DENND5B: variants seen among roughly 807,000 people sequenced by gnomAD.
The protein encoded by DENND5B is DENN domain containing 5B.
DENND5B carries 34 observed loss-of-function variants against 140.6 expected under a neutral mutation model. The ratio of observed to expected loss-of-function variants is 0.24; its 90% CI spans 0.18 to 0.32. DENND5B has a LOEUF of 0.32. Ranked by LOEUF, DENND5B falls within the 10% of genes least tolerant of loss-of-function variation. The pLI is 1.00. For synonymous variants in DENND5B, 551 were observed against 562.1 expected (o/e 0.98, Z 0.28); for missense variants, 1,142 against 1,560.2 (o/e 0.73, Z 4.52).
intron 1 of DENND5B, among the ~76,000 whole-genome samples, chr12:31,519,778 T>A (rs1169653433): frequency 6.6e-6 from 1 of 152,250 alleles, no homozygotes. Context: ...AGAATTTTTT[T>A]ATAACAGCTT....
At chr12:31,441,051 T>A (rs563613618) in intron 7 of DENND5B, among the ~76,000 whole-genome samples, 178 of 151,402 alleles carry the variant, frequency 1.2e-3, no homozygotes, top group African/African-American at 4.0e-3. Flanking sequence ...TAAAAAAAAA[T>A]TTTTGTAGGG....
intron 1 of DENND5B, among the ~76,000 whole-genome samples, chr12:31,529,936 A>T (rs1272190896): frequency 6.6e-6 from 1 of 152,220 alleles, no homozygotes; most frequent in African/African-American, 2.4e-5. Context: ...TACTGCTTCC[A>T]GAAGAAGGAT....
chr12:31,481,432 T>A (rs1289169506), intron 2 of DENND5B, among the ~76,000 whole-genome samples: 1 of 152,052 alleles, frequency 6.6e-6, no homozygotes, highest in Non-Finnish European at 1.5e-5. Context: ...AATCATAAAC[T>A]ATAAAGTAAG....
At chr12:31,554,955 T>G (rs919800330) in intron 1 of DENND5B, among the ~76,000 whole-genome samples, 1 of 152,326 alleles carries the variant, frequency 6.6e-6, no homozygotes, top group African/African-American at 2.4e-5. Context: ...AGTTATCCAT[T>G]CATCTAATTT....
chr12:31,402,755 C>A, intron 14 of DENND5B, 112 bp from the exon 15 acceptor site: 1 of 1,253,884 alleles, frequency 8.0e-7, no homozygotes, highest in Non-Finnish European at 1.1e-6. Flanking sequence ...TTTTTATGAG[C>A]TATCAAGATG....
In DENND5B at chr12:31,534,724, T is replaced by G. The variant is rs180795476; in HGVS notation, c.128-38805A>C. On this transcript the variant is annotated intron_variant, in intron 1 of 20. Coordinates refer to ENST00000389082, the MANE Select transcript of DENND5B (RefSeq NM_144973.4). The stretch of plus-strand genomic sequence containing the variant: ...ATTACTAGAACCATTAAGACTGAGG[T>G]GAAGAATTTGTATAGCCTTCCACCA... 913 of 326,544 alleles carry G rather than the reference T, an allele frequency of 2.8e-3. 3 individuals are homozygous for G. The highest frequency in any genetic ancestry group is 4.2e-3 in the Non-Finnish European group (694 of 164,996). 20.2% of individuals were successfully genotyped at this position (326,544 alleles called of 1,614,324 possible).
chr12:31,519,688 ATGGT>A (rs1947804410), intron 1 of DENND5B, among the ~76,000 whole-genome samples: 1 of 152,222 alleles, frequency 6.6e-6, no homozygotes, highest in Admixed American at 6.5e-5. Context: ...TCTTGAACAT[ATGGT>A]TGCTTTCTGT....
intron 3 of DENND5B, among the ~76,000 whole-genome samples, chr12:31,466,399 T>G (rs1056489612): frequency 6.6e-6 from 1 of 150,492 alleles, no homozygotes; most frequent in African/African-American, 2.4e-5. Flanking sequence ...CAAGACAGAT[T>G]AACATGTTTA....
chr12:31,570,206 A>C (rs1034338360), intron 1 of DENND5B, among the ~76,000 whole-genome samples: 2 of 151,868 alleles, frequency 1.3e-5, no homozygotes, highest in Non-Finnish European at 2.9e-5. Context: ...AAAAACAAAC[A>C]AACAAAAAAA....
rs536849766 is a variant in DENND5B at position 31,548,964 on chromosome 12, T to C, written c.127+41742A>G. 3.9e-5 allele frequency among the ~76,000 whole-genome samples: 6 copies of C among 152,224 alleles called. No homozygotes were observed. The South Asian group carries it at 1.2e-3, about 32-fold the overall frequency. ...AGGCTGGGGTGCAGTGGTACGATCA[T>C]AGCTCACAGCAGCCTTGAACCCCTG... On this transcript the variant is annotated intron_variant, in intron 1 of 20. Coordinates refer to ENST00000389082, the MANE Select transcript of DENND5B (RefSeq NM_144973.4).
At chr12:31,466,190 T>TA (rs1174758926) in intron 3 of DENND5B, among the ~76,000 whole-genome samples, 1 of 151,608 alleles carries the variant, frequency 6.6e-6, no homozygotes, top group Non-Finnish European at 1.5e-5. Flanking sequence ...CCGTCTCTAC[T>TA]AAAAACACAA....
chr12:31,575,242 A>C (rs1949970332), intron 1 of DENND5B, among the ~76,000 whole-genome samples: 1 of 152,220 alleles, frequency 6.6e-6, no homozygotes, highest in African/African-American at 2.4e-5. Context: ...TGTGGTTCTA[A>C]AAGTAAATCA....
At chr12:31,541,371 T>C (rs1320097859) in intron 1 of DENND5B, among the ~76,000 whole-genome samples, 1 of 152,126 alleles carries the variant, frequency 6.6e-6, no homozygotes, top group Non-Finnish European at 1.5e-5. Context: ...AAAAATCTAA[T>C]CATCCAATCA....
At chr12:31,436,447 C>T (rs557384360) in intron 7 of DENND5B, among the ~76,000 whole-genome samples, 27 of 152,160 alleles carry the variant, frequency 1.8e-4, no homozygotes, top group African/African-American at 6.3e-4. Context: ...ACTGCCAAAT[C>T]CAATGGCTAT....
rs747862984 is a variant in DENND5B at position 31,471,461 on chromosome 12, A to ATTTTTT, written c.904+8122_904+8127dup. ...TACAATCGCACACCACCATGCCTGT[A>ATTTTTT]TTTTTTTTTTTTTTTTTTTTGTAGA... On this transcript the variant is annotated intron_variant, in intron 3 of 20. Transcript: ENST00000389082. 2.1e-3 allele frequency among the ~76,000 whole-genome samples: 234 copies of ATTTTTT among 111,870 alleles called. 1 individual carries two copies. The highest frequency in any genetic ancestry group is 6.9e-3 in the East Asian group (27 of 3,886). 73.4% of individuals were successfully genotyped at this position (111,870 alleles called of 152,430 possible).
intron 19 of DENND5B, among the ~76,000 whole-genome samples, chr12:31,390,377 G>A (rs1048462566): frequency 6.6e-5 from 10 of 151,620 alleles, no homozygotes; most frequent in Middle Eastern, 3.5e-3. Context: ...GGTGGCTCAC[G>A]CCTGTAATCC....
rs145573657 is a variant in DENND5B at position 31,417,528 on chromosome 12, T to C, written c.2471-2080A>G. ...TATTCTCTTATGAAGCCTGAATAGC[T>C]AACATTTATTTAAGAATAGCTAACA... On this transcript the variant is annotated intron_variant, in intron 11 of 20. Coordinates refer to ENST00000389082, the MANE Select transcript of DENND5B (RefSeq NM_144973.4). Among the ~76,000 whole-genome samples the C allele has an allele frequency of 2.2e-3, 331 of 152,202 alleles. 3 individuals are homozygous for C. Among genetic ancestry groups the C allele is most frequent in the African/African-American group, 7.6e-3 (314 of 41,524 alleles).
intron 1 of DENND5B, among the ~76,000 whole-genome samples, chr12:31,496,395 C>A (rs1486166134): frequency 6.6e-6 from 1 of 152,160 alleles, no homozygotes; most frequent in African/African-American, 2.4e-5. Context: ...GATTGCATAT[C>A]CAGGTTCTCC....
At position 31,452,032 on chromosome 12, in the gene DENND5B, T is replaced by C; in HGVS notation, c.1537A>G (p.Met513Val). The C allele has an allele frequency of 6.2e-7, 1 of 1,613,900 alleles. No homozygotes were observed. Among genetic ancestry groups the C allele is most frequent in the Non-Finnish European group, 8.5e-7 (1 of 1,179,874 alleles). ...ACAAATGCTTCGTAATCTGCAAACA[T>C]CTGTGTAAAACGGTTAGCAAAGACC... ...REVFANRFTQMFADYEAFVIQ... is the reference protein window; with the variant it reads ...REVFANRFTQVFADYEAFVIQ... The change falls in exon 5 of 21, where the codon ATG becomes GTG. Residue 513 changes from methionine to valine, a missense_variant. Physicochemically the swap from Met to Val is conservative, Grantham distance 21. Transcript: ENST00000389082.
Sources: gnomAD v4.1 joint callset for allele counts (sites outside exome capture counted in the v4.1 genomes callset) on GRCh38, gnomAD v4.1.1 for gene constraint, MANE v1.5 for transcripts, NCBI Gene and HGNC (gene_info 2026-07-23, HGNC 2026-07-21) for gene names.